PALS1: variants seen among roughly 807,000 people sequenced by gnomAD.
The protein encoded by PALS1 is protein PALS1.
Under a neutral mutation model 78.9 loss-of-function variants are expected in PALS1, and 31 were observed. The ratio of observed to expected loss-of-function variants is 0.39; its 90% CI spans 0.30 to 0.53. PALS1 has a LOEUF of 0.53. Ranked by LOEUF, PALS1 falls within the 20% of genes least tolerant of loss-of-function variation. PALS1 has a pLI of 0.67. For synonymous variants in PALS1, 276 were observed against 270.9 expected (o/e 1.02, Z -0.18); for missense variants, 704 against 826.5 (o/e 0.85, Z 1.82).
intron 7 of PALS1, 89 bp downstream of exon 7, chr14:67,302,660 A>G: frequency 1.0e-5 from 10 of 1,001,504 alleles, no homozygotes; most frequent in Non-Finnish European, 1.4e-5. Flanking sequence ...ATAACTGTTA[A>G]GAGCACTAGA....
intron 1 of PALS1, among the ~76,000 whole-genome samples, chr14:67,260,487 A>G (rs1352135827): frequency 1.3e-5 from 2 of 152,222 alleles, no homozygotes; most frequent in African/African-American, 4.8e-5. Flanking sequence ...GCTTGCAATT[A>G]ATAGACATTC....
At chr14:67,258,221 A>G (rs989606591) in intron 1 of PALS1, among the ~76,000 whole-genome samples, 4 of 152,112 alleles carry the variant, frequency 2.6e-5, no homozygotes, top group African/African-American at 9.7e-5. Flanking sequence ...AGTTGAGAAG[A>G]TAAGGTACTC....
At chr14:67,282,342 A>T (rs2084618847) in intron 3 of PALS1, among the ~76,000 whole-genome samples, 1 of 152,144 alleles carries the variant, frequency 6.6e-6, no homozygotes, top group South Asian at 2.1e-4. Context: ...ACATCTAGAA[A>T]CAGCAACCTT....
At position 67,333,234 on chromosome 14, in the gene PALS1, A is replaced by G; in HGVS notation, c.*278A>G. The G allele has an allele frequency of 3.7e-6, 1 of 270,938 alleles. No individual in the cohort carries two copies. The highest frequency in any genetic ancestry group is 7.0e-6 in the Non-Finnish European group (1 of 143,640). The allele number at this position is 270,938 out of a possible 1,614,324, so 16.8% of individuals were successfully genotyped here. ...GAGCATTCCATTTTGTCCTGTTAAAACCTTTTGTTTTCACCTAAACCCTTT... is the reference window on the plus strand; with the variant it reads ...GAGCATTCCATTTTGTCCTGTTAAAGCCTTTTGTTTTCACCTAAACCCTTT... On this transcript the variant is annotated 3_prime_UTR_variant, in exon 15 of 15. Coordinates refer to ENST00000261681, the MANE Select transcript of PALS1 (RefSeq NM_022474.4).
intron 3 of PALS1, among the ~76,000 whole-genome samples, chr14:67,290,064 G>T (rs73282706): frequency 0.15 from 23,503 of 152,016 alleles, 3,426 homozygotes; most frequent in East Asian, 0.42. Context: ...GAGCCACTGT[G>T]CCTGGCCTCC....
rs2085510455 is a variant in PALS1 at position 67,335,194 on chromosome 14, T to C, written c.*2238T>C. 1 of 152,220 alleles carries C rather than the reference T, an allele frequency of 6.6e-6. No homozygotes were observed. Among genetic ancestry groups the C allele is most frequent in the Non-Finnish European group, 1.5e-5 (1 of 68,040 alleles). 9.4% of individuals were successfully genotyped at this position (152,220 alleles called of 1,614,324 possible). On this transcript the variant is annotated 3_prime_UTR_variant, in exon 15 of 15. Transcript: ENST00000261681. ...CCTCATCAGCAATGGTAGATAGAAA[T>C]GTCCTAAACTTTTCTAAATCCTAGT... is the stretch of plus-strand genomic sequence containing the variant.
intron 1 of PALS1, among the ~76,000 whole-genome samples, chr14:67,252,763 A>AT (rs1465280356): frequency 3.9e-5 from 6 of 152,298 alleles, no homozygotes; most frequent in Non-Finnish European, 8.8e-5. Flanking sequence ...CTTGGTTTCA[A>AT]TTTGTACTTT....
chr14:67,274,829 G>C (rs1294249503), intron 2 of PALS1, among the ~76,000 whole-genome samples: 2 of 152,142 alleles, frequency 1.3e-5, no homozygotes, highest in Non-Finnish European at 2.9e-5. Flanking sequence ...CCTTGAAGAG[G>C]TCCTTCACAT....
intron 2 of PALS1, among the ~76,000 whole-genome samples, chr14:67,272,386 C>T (rs1369968614): frequency 6.6e-6 from 1 of 152,132 alleles, no homozygotes; most frequent in Non-Finnish European, 1.5e-5. Flanking sequence ...CTTCCAACCT[C>T]GTTTTTCATC....
intron 10 of PALS1, 90 bp from the exon 11 acceptor site, chr14:67,317,318 A>G: frequency 1.7e-6 from 2 of 1,177,674 alleles, no homozygotes; most frequent in Admixed American, 4.7e-5. Context: ...TTAAAGAATA[A>G]ATGAATGAAT....
At chr14:67,329,869 AATAAATAAATAG>A (rs1268786285) in intron 14 of PALS1, among the ~76,000 whole-genome samples, 1 of 110,572 alleles carries the variant, frequency 9.0e-6, no homozygotes, top group African/African-American at 5.4e-5. Flanking sequence ...TAAATAAATA[AATAAATAAATAG>A]ATATAGAAAC....
chr14:67,320,958 T>C, intron 12 of PALS1, 99 bp from the exon 13 acceptor site: 1 of 918,226 alleles, frequency 1.1e-6, no homozygotes, highest in Non-Finnish European at 1.7e-6. Context: ...TATTTTATAA[T>C]CTGTGTTACA....
intron 1 of PALS1, among the ~76,000 whole-genome samples, chr14:67,259,143 G>A (rs1035107543): frequency 4.0e-5 from 6 of 151,658 alleles, no homozygotes; most frequent in Admixed American, 2.0e-4. Flanking sequence ...GCACCAGGCC[G>A]ATTTTAACTT....
In PALS1 at chr14:67,279,235, A is replaced by T. The variant is rs1044284752; in HGVS notation, c.65A>T (p.Asp22Val). Residue 22 changes from aspartate to valine, a missense_variant, in exon 3 of 15, where the codon GAT (aspartate) becomes GTT (valine). By Grantham distance (152) the Asp-to-Val change is radical. Coordinates refer to ENST00000261681, the MANE Select transcript of PALS1 (RefSeq NM_022474.4). ...EESDSEVKNV[D>V]LASPEEHQKH... ...TCAGACAGCGAAGTAAAAAATGTTG[A>T]TCTTGCATCACCAGAGGAACATCAG... is the stretch of plus-strand genomic sequence containing the variant. 1 of 1,613,044 alleles carries T rather than the reference A, an allele frequency of 6.2e-7. No individual in the cohort carries two copies. The highest frequency in any genetic ancestry group is 1.7e-5 in the Admixed American group (1 of 59,590).
At chr14:67,291,277 A>G (rs1189630467) in intron 3 of PALS1, among the ~76,000 whole-genome samples, 1 of 150,810 alleles carries the variant, frequency 6.6e-6, no homozygotes, top group Non-Finnish European at 1.5e-5. Flanking sequence ...TGCCCAGGCT[A>G]GAATGCAATG....
chr14:67,258,225 G>C (rs2084176953), intron 1 of PALS1, among the ~76,000 whole-genome samples: 1 of 152,004 alleles, frequency 6.6e-6, no homozygotes, highest in Admixed American at 6.6e-5. Context: ...GAGAAGATAA[G>C]GTACTCATCC....
At position 67,285,366 on chromosome 14, in the gene PALS1, AT is replaced by A. The variant is rs767382946; in HGVS notation, c.367+5847del. 3.7e-3 allele frequency among the ~76,000 whole-genome samples: 512 copies of A among 137,792 alleles called. 2 individuals are homozygous for A. Among genetic ancestry groups the A allele is most frequent in the African/African-American group, 6.5e-3 (240 of 36,778 alleles). 90.4% of individuals were successfully genotyped at this position (137,792 alleles called of 152,430 possible). ...ATCCAGATGGAGATTCCTTAGGTAAATTTTTTTTTTTTTTTTTTGAGACGGA... is the reference window on the plus strand; with the variant it reads ...ATCCAGATGGAGATTCCTTAGGTAAATTTTTTTTTTTTTTTTTGAGACGGA... On this transcript the variant is annotated intron_variant, in intron 3 of 14. Coordinates refer to ENST00000261681, the MANE Select transcript of PALS1 (RefSeq NM_022474.4).
chr14:67,312,393 C>A, intron 8 of PALS1, 134 bp from the exon 9 acceptor site: 3 of 567,546 alleles, frequency 5.3e-6, no homozygotes, highest in Non-Finnish European at 8.4e-6. Context: ...TCCTGGACAA[C>A]ATACTGAGAT....
intron 14 of PALS1, among the ~76,000 whole-genome samples, chr14:67,325,824 T>A (rs1566582633): frequency 6.6e-6 from 1 of 151,766 alleles, no homozygotes; most frequent in Non-Finnish European, 1.5e-5. Context: ...TTTTTTTTTT[T>A]TTGAGACAGA....
Sources: gnomAD v4.1 joint callset for allele counts (sites outside exome capture counted in the v4.1 genomes callset) on GRCh38, gnomAD v4.1.1 for gene constraint, MANE v1.5 for transcripts, NCBI Gene and HGNC (gene_info 2026-07-23, HGNC 2026-07-21) for gene names.